Variants in SLC9A9 observed in about 807,000 individuals in gnomAD.
SLC9A9 encodes solute carrier family 9 member A9, also known as sodium/hydrogen exchanger 9.
Under a neutral mutation model 77.8 loss-of-function variants are expected in SLC9A9, and 62 were observed. The ratio of observed to expected loss-of-function variants is 0.80; its 90% confidence interval spans 0.65 to 0.98. The LOEUF is 0.98. SLC9A9 is among the 50% of genes least tolerant of loss of function. The pLI, the probability that SLC9A9 is intolerant of heterozygous loss-of-function variation, is 0.00. For missense variants in SLC9A9, 775 were observed against 774.9 expected (o/e 1.00, Z 0.00); for synonymous variants, 320 against 283.5 (o/e 1.13, Z -1.29).
At chr3:143,428,815 G>A (rs995531270) in intron 12 of SLC9A9, among the ~76,000 whole-genome samples, 2 of 152,142 alleles carry the variant, frequency 1.3e-5, no homozygotes, top group African/African-American at 4.8e-5. Context: ...TTACATTAAG[G>A]TAAAGAAGCC....
Position 143,593,414 on chromosome 3 carries a change from T to C in SLC9A9, c.756-14691A>G, listed in dbSNP as rs550999787. The stretch of plus-strand genomic sequence containing the variant: ...TACTCCCCAGGTGGAACCAAGGGTA[T>C]ATACAAAAGGTAGAATTTAATAATT... On this transcript the variant is annotated intron_variant, in intron 6 of 15. Transcript: ENST00000316549. 3.9e-5 allele frequency among the ~76,000 whole-genome samples: 6 copies of C among 152,350 alleles called. No homozygotes were observed. In the South Asian group the frequency reaches 1.0e-3, roughly 26 times the overall value.
chr3:143,525,180 A>C (rs1310499461), intron 9 of SLC9A9, among the ~76,000 whole-genome samples: 1 of 152,232 alleles, frequency 6.6e-6, no homozygotes, highest in Non-Finnish European at 1.5e-5. Flanking sequence ...AGTTAATTTA[A>C]GAACTAGTTC....
intron 4 of SLC9A9, among the ~76,000 whole-genome samples, chr3:143,714,354 A>C (rs574401433): frequency 1.1e-4 from 17 of 152,196 alleles, no homozygotes; most frequent in Non-Finnish European, 2.1e-4. Context: ...ATTCCCACCC[A>C]GAAAACTGAA....
chr3:143,701,254 C>T (rs1329476654), intron 4 of SLC9A9, among the ~76,000 whole-genome samples: 1 of 152,082 alleles, frequency 6.6e-6, no homozygotes, highest in East Asian at 1.9e-4. Flanking sequence ...CAAAGACAAA[C>T]ATCCACAAGC....
intron 6 of SLC9A9, among the ~76,000 whole-genome samples, chr3:143,622,734 C>G: frequency 6.6e-6 from 1 of 152,154 alleles, no homozygotes; most frequent in East Asian, 1.9e-4. Flanking sequence ...CAGCTAACAT[C>G]ACAATGACAG....
chr3:143,674,399 G>A (rs967649923), intron 5 of SLC9A9, among the ~76,000 whole-genome samples: 8 of 152,090 alleles, frequency 5.3e-5, no homozygotes, highest in Admixed American at 3.9e-4. Context: ...CTCCTCTTGG[G>A]ATTAGTTTAT....
intron 5 of SLC9A9, among the ~76,000 whole-genome samples, chr3:143,675,028 A>C (rs2039216475): frequency 6.6e-6 from 1 of 152,222 alleles, no homozygotes; most frequent in Non-Finnish European, 1.5e-5. Context: ...TCAGAATTTC[A>C]GGAGGCAGAA....
intron 6 of SLC9A9, among the ~76,000 whole-genome samples, chr3:143,615,608 A>G (rs2038090327): frequency 1.3e-5 from 2 of 152,174 alleles, no homozygotes; most frequent in Admixed American, 1.3e-4. Context: ...AACTAGAACC[A>G]CTCAAGAGGC....
intron 6 of SLC9A9, among the ~76,000 whole-genome samples, chr3:143,582,222 C>T (rs116726862): frequency 0.02 from 3,022 of 152,254 alleles, 38 homozygotes; most frequent in Middle Eastern, 0.034. Flanking sequence ...AGATCTGATA[C>T]TTATTGGCTA....
At chr3:143,521,440 T>G (rs996017) in intron 9 of SLC9A9, among the ~76,000 whole-genome samples, 1 of 152,100 alleles carries the variant, frequency 6.6e-6, no homozygotes, top group African/African-American at 2.4e-5. Flanking sequence ...CTTTTCTTCA[T>G]GTATAATTCA....
At chr3:143,726,947 T>A (rs1489952724) in intron 4 of SLC9A9, among the ~76,000 whole-genome samples, 3 of 152,124 alleles carry the variant, frequency 2.0e-5, no homozygotes, top group East Asian at 3.9e-4. Flanking sequence ...AACTGTTTTT[T>A]AATAATCACT....
chr3:143,599,057 C>T (rs1024165623), intron 6 of SLC9A9, among the ~76,000 whole-genome samples: 3 of 152,224 alleles, frequency 2.0e-5, no homozygotes, highest in African/African-American at 7.2e-5. Context: ...TACCCCCTCA[C>T]TGACCTGGAG....
At chr3:143,423,190 A>T (rs1298312248) in intron 12 of SLC9A9, among the ~76,000 whole-genome samples, 4 of 149,234 alleles carry the variant, frequency 2.7e-5, no homozygotes, top group Non-Finnish European at 1.5e-5. Context: ...CATATATGTA[A>T]ATCTCTACTT....
intron 3 of SLC9A9, among the ~76,000 whole-genome samples, chr3:143,796,382 AT>A (rs1553794851): frequency 1.3e-5 from 2 of 152,246 alleles, no homozygotes; most frequent in Non-Finnish European, 2.9e-5. Flanking sequence ...TATTTAAAAA[AT>A]TTTAAATTTT....
intron 12 of SLC9A9, among the ~76,000 whole-genome samples, chr3:143,454,595 A>C (rs1258195490): frequency 6.6e-6 from 1 of 152,162 alleles, no homozygotes; most frequent in Non-Finnish European, 1.5e-5. Context: ...TAGCAGCATA[A>C]AACAACACCT....
chr3:143,533,770 T>C lies in SLC9A9; in HGVS notation c.1089+18592A>G, dbSNP rs535473394. Among the ~76,000 whole-genome samples, 10 of 152,326 alleles carry C rather than the reference T, an allele frequency of 6.6e-5. No individual in the cohort carries two copies. The South Asian group carries it at 2.1e-3, about 32-fold the overall frequency. ...AAAGGTCTTTGTAGTTAAAGTGAAA[T>C]GGCATTTCTTTGTTAATGAGGGGAA... On this transcript the variant is annotated intron_variant, in intron 9 of 15. Transcript: ENST00000316549.
rs142594079 is a variant in SLC9A9, at chr3:143,767,376, ATGTGTGTGTGTG to A, written c.533+27613_533+27624del. Among the ~76,000 whole-genome samples the A allele has an allele frequency of 1.6e-4, 22 of 141,376 alleles. No individual in the cohort carries two copies. The East Asian group carries it at 2.7e-3, about 17-fold the overall frequency. The allele number at this position is 141,376 out of a possible 152,430, so 92.7% of individuals were successfully genotyped here. ...TTTGTGAAACAGTAAGTGTCTGTGT[ATGTGTGTGTGTG>A]TGTGTGTGTGTGTGTGTGTGTGTGT... is the stretch of plus-strand genomic sequence containing the variant. On this transcript the variant is annotated intron_variant, in intron 4 of 15. Transcript: ENST00000316549.
At chr3:143,676,652 G>A (rs891944010) in intron 5 of SLC9A9, among the ~76,000 whole-genome samples, 3 of 152,052 alleles carry the variant, frequency 2.0e-5, no homozygotes, top group African/African-American at 7.2e-5. Flanking sequence ...CAGGAGAATC[G>A]CTTGAACCCA....
chr3:143,679,360 A>G (rs1159252810), intron 5 of SLC9A9, among the ~76,000 whole-genome samples: 2 of 152,212 alleles, frequency 1.3e-5, no homozygotes, highest in Non-Finnish European at 2.9e-5. Flanking sequence ...CTTTCCCTAC[A>G]AATCCTAGGC....
Sources: allele counts gnomAD v4.1 joint callset (sites outside exome capture counted in the v4.1 genomes callset), GRCh38; gene constraint gnomAD v4.1.1; transcripts MANE v1.5; gene names NCBI Gene and HGNC (gene_info 2026-07-23, HGNC 2026-07-21).